Variants in MUC17 observed in about 807,000 individuals in gnomAD.
MUC17 encodes the protein mucin 17, cell surface associated.
Under a neutral mutation model 170.3 loss-of-function variants are expected in MUC17, and 190 were observed. The observed-to-expected ratio is 1.12, with a 90% confidence interval of 0.99 to 1.26. The LOEUF (loss-of-function observed/expected upper bound fraction) is 1.26, where lower values mean the gene tolerates loss of function less well. Ranked by LOEUF, MUC17 falls within the 50% of genes most tolerant of loss-of-function variation. The probability of loss-of-function intolerance (pLI) is 0.00; values close to 1 mark genes in which losing one functional copy is unlikely to be tolerated. For missense variants in MUC17, 6,415 were observed against 5,530.0 expected (o/e 1.16, Z -5.08); for synonymous variants, 2,325 against 2,002.5 (o/e 1.16, Z -4.30).
chr7:101,050,787 G>A, intron 7 of MUC17, 152 bp downstream of exon 7: 1 of 1,199,764 alleles, frequency 8.3e-7, no homozygotes, highest in Non-Finnish European at 1.1e-6. Flanking sequence ...GCAGCGCAAA[G>A]AAGCCCCAGG....
In MUC17 at chr7:101,040,404, C is replaced by T. The variant is rs756398966; in HGVS notation, c.8988C>T (p.Thr2996=). The T allele has an allele frequency of 7.4e-6, 12 of 1,612,332 alleles. No individual in the cohort carries two copies. Among genetic ancestry groups the T allele is most frequent in the Middle Eastern group, 1.6e-4 (1 of 6,082 alleles). The change falls in exon 3 of 13, where the codon ACC becomes ACT. Residue 2996 remains threonine, a synonymous_variant. Transcript: ENST00000306151. ...RTPLTSMSVS[T]MPVASSEAST... ...CATTAACAAGTATGTCTGTCAGCAC[C>T]ATGCCGGTGGCCAGTTCTGAGGCTA...
Position 101,031,190 on chromosome 7 carries a change from G to A in MUC17, c.153G>A (p.Gln51=), listed in dbSNP as rs1046446267. 1 of 1,613,864 alleles carries A rather than the reference G, an allele frequency of 6.2e-7. No homozygotes were observed. The highest frequency in any genetic ancestry group is 8.5e-7 in the Non-Finnish European group (1 of 1,179,902). Residue 51 remains glutamine (Q), a synonymous_variant, in exon 2 of 13, where the codon CAG becomes CAA. Transcript: ENST00000306151. The part of the protein sequence containing the change: ...CISQGDVLNR[Q]CQQLSQHVRT... ...CCCAAGGGGACGTCTTGAACCGTCA[G>A]TGCCAGCAGCTGTCTCAGCACGTTA... is the stretch of plus-strand genomic sequence containing the variant.
At position 101,038,487 on chromosome 7, in the gene MUC17, A is replaced by T; in HGVS notation, c.7071A>T (p.Thr2357=). The T allele has an allele frequency of 6.3e-7, 1 of 1,595,366 alleles. No individual in the cohort carries two copies. Among genetic ancestry groups the T allele is most frequent in the Non-Finnish European group, 8.5e-7 (1 of 1,171,028 alleles). ...TGGTGGCCAGTTTTGAAACAAGCAC[A>T]CTTTCTACAACTCCTGCTGACACCA... is the stretch of plus-strand genomic sequence containing the variant. The part of the protein sequence containing the change: ...TTMVASFETS[T]LSTTPADTST... The change falls in exon 3 of 13, where the codon ACA becomes ACT. Residue 2357 remains threonine (T), a synonymous_variant. Transcript: ENST00000306151.
intron 1 of MUC17, among the ~76,000 whole-genome samples, chr7:101,021,575 C>T (rs1794082634): frequency 1.3e-5 from 2 of 152,086 alleles, no homozygotes; most frequent in East Asian, 1.9e-4. Context: ...TTCTTCTTCT[C>T]CCCACCTCTC....
At chr7:101,053,525 T>C in intron 11 of MUC17, 89 bp downstream of exon 11, 2 of 1,020,386 alleles carry the variant, frequency 2.0e-6, no homozygotes, top group South Asian at 1.4e-5. Context: ...CCCAGCACTT[T>C]GAAAGGCCAA....
chr7:101,020,423 T>C (rs1794051876), intron 1 of MUC17, among the ~76,000 whole-genome samples: 1 of 152,088 alleles, frequency 6.6e-6, no homozygotes, highest in African/African-American at 2.4e-5. Flanking sequence ...TGGAGCCTCT[T>C]CCAGTTGAGG....
chr7:101,040,338 T>A lies in MUC17; in HGVS notation c.8922T>A (p.Gly2974=), dbSNP rs1421573252. The stretch of plus-strand genomic sequence containing the variant: ...GTTCTTCTCCTACAACTGCTGAAGG[T>A]ACCAGCATGCCAATCTCAACTCCTG... ...EASSSPTTAE[G]TSMPISTPGE... The change falls in exon 3 of 13, where the codon GGT becomes GGA. Residue 2974 remains glycine (G), a synonymous_variant. Coordinates refer to ENST00000306151, the MANE Select transcript of MUC17 (RefSeq NM_001040105.2). 1 of 1,612,590 alleles carries A rather than the reference T, an allele frequency of 6.2e-7. No homozygotes were observed. Among genetic ancestry groups the A allele is most frequent in the African/African-American group, 1.3e-5 (1 of 74,642 alleles).
chr7:101,047,642 C>T (rs1794864622), intron 3 of MUC17, among the ~76,000 whole-genome samples: 1 of 152,036 alleles, frequency 6.6e-6, no homozygotes, highest in African/African-American at 2.4e-5. Flanking sequence ...CCAGCCTGGC[C>T]AAACTGGTGA....
intron 11 of MUC17, among the ~76,000 whole-genome samples, chr7:101,055,980 C>G (rs574944503): frequency 1.5e-3 from 235 of 152,254 alleles, no homozygotes; most frequent in South Asian, 2.9e-3. Flanking sequence ...GATGCAGCTA[C>G]AGCTATACTC....
chr7:101,041,246 G>T lies in MUC17; in HGVS notation c.9830G>T (p.Ser3277Ile), dbSNP rs775887740. 24 of 1,611,424 alleles carry T rather than the reference G, an allele frequency of 1.5e-5. No individual in the cohort carries two copies. Among genetic ancestry groups the T allele is most frequent in the Non-Finnish European group, 2.5e-6 (3 of 1,178,356 alleles). Reference sequence around the variant, plus strand: ...ACCAGCATGCCAACCTCAACTCCTAGTGAAGGAAGCACTCCATTAACAAGT... The same window carrying T: ...ACCAGCATGCCAACCTCAACTCCTATTGAAGGAAGCACTCCATTAACAAGT... ...EGTSMPTSTPSEGSTPLTSMP... is the reference protein window; with the variant it reads ...EGTSMPTSTPIEGSTPLTSMP... The change falls in exon 3 of 13, where the codon AGT (serine) becomes ATT (isoleucine). Residue 3277 changes from serine (S) to isoleucine (I), a missense_variant. Coordinates refer to ENST00000306151, the MANE Select transcript of MUC17 (RefSeq NM_001040105.2).
Position 101,058,615 on chromosome 7 carries a change from C to A in MUC17, c.*571C>A, listed in dbSNP as rs549261043. 2 of 152,402 alleles carry A rather than the reference C, an allele frequency of 1.3e-5. No homozygotes were observed. Among genetic ancestry groups the A allele is most frequent in the South Asian group, 4.1e-4 (2 of 4,830 alleles). 9.4% of individuals were successfully genotyped at this position (152,402 alleles called of 1,614,324 possible). ...AGCGCCCTCGACCCGCTGTTTACAA[C>A]CATGACCCCTTGGACACTGGACTGC... On this transcript the variant is annotated 3_prime_UTR_variant, in exon 13 of 13. Coordinates refer to ENST00000306151, the MANE Select transcript of MUC17 (RefSeq NM_001040105.2).
chr7:101,036,086 C>T lies in MUC17; in HGVS notation c.4670C>T (p.Thr1557Ile), dbSNP rs1365931730. 4 of 1,612,204 alleles carry T rather than the reference C, an allele frequency of 2.5e-6. No homozygotes were observed. The highest frequency in any genetic ancestry group is 3.4e-6 in the Non-Finnish European group (4 of 1,178,790). ...TYSQASSSPT[T>I]ADGTSMQTST... ...TCTCAAGCCAGTTCATCTCCTACAA[C>T]TGCTGACGGTACCAGCATGCAAACC... Residue 1557 changes from threonine to isoleucine, a missense_variant, in exon 3 of 13, where the codon ACT (threonine) becomes ATT (isoleucine). By Grantham distance (89) the Thr-to-Ile change is moderately conservative (BLOSUM62 -1). Transcript: ENST00000306151.
intron 11 of MUC17, among the ~76,000 whole-genome samples, chr7:101,053,926 G>A (rs922855026): frequency 1.3e-5 from 2 of 151,262 alleles, no homozygotes; most frequent in Non-Finnish European, 2.9e-5. Context: ...TGGGCATGGT[G>A]GCATGCACCT....
rs556800891 is a variant in MUC17, at chr7:101,037,991, T to C, written c.6575T>C (p.Val2192Ala). 6.2e-7 allele frequency: 1 copy of C among 1,608,352 alleles called. No individual in the cohort carries two copies. Among genetic ancestry groups the C allele is most frequent in the South Asian group, 1.1e-5 (1 of 90,100 alleles). The stretch of plus-strand genomic sequence containing the variant: ...ACTCCTGTTGACACCAGCACACCTG[T>C]GACCAATTCTACTGAAGCCCGTTCA... ...STTPVDTSTPVTNSTEARSSP... is the reference protein window; with the variant it reads ...STTPVDTSTPATNSTEARSSP... Residue 2192 changes from valine to alanine, a missense_variant, in exon 3 of 13, where the codon GTG becomes GCG. Transcript: ENST00000306151.
Position 101,049,194 on chromosome 7 carries a change from A to T in MUC17, c.12664-130A>T, listed in dbSNP as rs1296247553. 4.1e-6 allele frequency: 6 copies of T among 1,463,624 alleles called. No homozygotes were observed. In the East Asian group the frequency reaches 1.4e-4, roughly 33 times the overall value. 90.7% of individuals were successfully genotyped at this position (1,463,624 alleles called of 1,614,324 possible). ...GGGTGGAGCAGGTCTCTGGAAAGAA[A>T]CCACTCCATTTGATGAGTGTGCTAT... On this transcript the variant is annotated intron_variant, in intron 5 of 12. Transcript: ENST00000306151.
rs1562811438 is a variant in MUC17, at chr7:101,037,352, C to T, written c.5936C>T (p.Ala1979Val). The T allele has an allele frequency of 6.2e-7, 1 of 1,614,130 alleles. No homozygotes were observed. The highest frequency in any genetic ancestry group is 8.5e-7 in the Non-Finnish European group (1 of 1,179,996). Residue 1979 changes from alanine (A) to valine (V), a missense_variant, in exon 3 of 13, where the codon GCT (alanine) becomes GTT (valine). Ala to Val is a moderately conservative substitution (Grantham distance 64). Coordinates refer to ENST00000306151, the MANE Select transcript of MUC17 (RefSeq NM_001040105.2). Reference protein sequence around the residue: ...TADGTSMPTPAYSEGSTPLTS... With the variant: ...TADGTSMPTPVYSEGSTPLTS... ...GATGGTACCAGCATGCCAACCCCAG[C>T]TTATAGTGAAGGAAGCACTCCACTA...
At chr7:101,023,672 TG>T in intron 1 of MUC17, among the ~76,000 whole-genome samples, 1 of 152,114 alleles carries the variant, frequency 6.6e-6, no homozygotes, top group Non-Finnish European at 1.5e-5. Flanking sequence ...TCCCAAAGTG[TG>T]GGGATTACAG....
Position 101,034,351 on chromosome 7 carries a change from A to G in MUC17, c.2935A>G (p.Ser979Gly), listed in dbSNP as rs1794391698. 6.2e-7 allele frequency: 1 copy of G among 1,608,004 alleles called. No homozygotes were observed. The change falls in exon 3 of 13, where the codon AGT becomes GGT. Residue 979 changes from serine (S) to glycine (G), a missense_variant. Ser to Gly is a moderately conservative substitution (Grantham distance 56, BLOSUM62 0). Transcript: ENST00000306151. ...TACCAGCATACCAACCTCGACTCCTAGTGAAGGAACGACTCCATTAACAAG... is the reference window on the plus strand; with the variant it reads ...TACCAGCATACCAACCTCGACTCCTGGTGAAGGAACGACTCCATTAACAAG... ...EGTSIPTSTP[S>G]EGTTPLTSTP...
At position 101,039,571 on chromosome 7, in the gene MUC17, A is replaced by C; in HGVS notation, c.8155A>C (p.Thr2719Pro). ...CACCCTTTCAACAACTCCTGTTGAC[A>C]CCAGCACACCTGTCACCACTTCTGC... Reference protein sequence around the residue: ...ASTLSTTPVDTSTPVTTSAEA... With the variant: ...ASTLSTTPVDPSTPVTTSAEA... The change falls in exon 3 of 13, where the codon ACC becomes CCC. Residue 2719 changes from threonine to proline, a missense_variant. Thr to Pro is a conservative substitution (Grantham distance 38). Coordinates refer to ENST00000306151, the MANE Select transcript of MUC17 (RefSeq NM_001040105.2). The C allele has an allele frequency of 6.2e-7, 1 of 1,612,584 alleles. No homozygotes were observed. Among genetic ancestry groups the C allele is most frequent in the African/African-American group, 1.3e-5 (1 of 74,952 alleles).
Sources: allele counts gnomAD v4.1 joint callset (sites outside exome capture counted in the v4.1 genomes callset), GRCh38; gene constraint gnomAD v4.1.1; transcripts MANE v1.5; gene names NCBI Gene and HGNC (gene_info 2026-07-23, HGNC 2026-07-21).